Variants in FGR observed in about 807,000 individuals in gnomAD.
FGR encodes the protein tyrosine-protein kinase Fgr.
Under a neutral mutation model 63.2 loss-of-function variants are expected in FGR, and 26 were observed. The observed-to-expected ratio is 0.41, with a 90% CI of 0.30 to 0.57. The LOEUF is 0.57. Ranked by LOEUF, FGR falls within the 20% of genes least tolerant of loss-of-function variation. The pLI, the probability that FGR is intolerant of heterozygous loss-of-function variation, is 0.27. For synonymous variants in FGR, 286 were observed against 277.7 expected, an observed-to-expected ratio of 1.03 and a Z score of -0.30; for missense variants, 511 against 690.8, an observed-to-expected ratio of 0.74 and a Z score of 2.92.
chr1:27,625,812 G>A (rs1443112943), intron 1 of FGR, among the ~76,000 whole-genome samples: 11 of 152,114 alleles, frequency 7.2e-5, no homozygotes, highest in Non-Finnish European at 1.5e-4. Flanking sequence ...GGAGGTGGGC[G>A]CCTGTAGTCC....
chr1:27,612,494 A>T lies in FGR; in HGVS notation c.*420T>A, dbSNP rs191541855. Reference sequence around the variant, plus strand: ...TCCTGACTTTGTAACTTACAGACACAAGAGAATAGAGGGTAGAAGGGAAAT... The same window carrying T: ...TCCTGACTTTGTAACTTACAGACACTAGAGAATAGAGGGTAGAAGGGAAAT... On this transcript the variant is annotated 3_prime_UTR_variant, in exon 13 of 13. Coordinates refer to ENST00000374005, the MANE Select transcript of FGR (RefSeq NM_005248.3). 27 of 169,420 alleles carry T rather than the reference A, an allele frequency of 1.6e-4. No individual in the cohort carries two copies. Among genetic ancestry groups the T allele is most frequent in the Non-Finnish European group, 2.8e-4 (22 of 77,650 alleles). The allele number at this position is 169,420 out of a possible 1,614,324, so 10.5% of individuals were successfully genotyped here. A position where few individuals can be genotyped will look rare whatever the true frequency, so the allele number is the denominator to read the frequency against.
chr1:27,624,450 T>G (rs1475492529), intron 2 of FGR, among the ~76,000 whole-genome samples: 1 of 152,104 alleles, frequency 6.6e-6, no homozygotes, highest in East Asian at 1.9e-4. Flanking sequence ...ATTGCTCAGG[T>G]TGGGTCCTAT....
intron 1 of FGR, among the ~76,000 whole-genome samples, chr1:27,629,269 T>G (rs930579318): frequency 6.6e-6 from 1 of 152,124 alleles, no homozygotes; most frequent in South Asian, 2.1e-4. Flanking sequence ...ATTTCCATGG[T>G]GTAAATATTC....
At chr1:27,629,685 A>G (rs1213589982) in intron 1 of FGR, among the ~76,000 whole-genome samples, 1 of 152,188 alleles carries the variant, frequency 6.6e-6, no homozygotes, top group Non-Finnish European at 1.5e-5. Context: ...GGTGGCAGTA[A>G]AAATGAGCTA....
chr1:27,616,452 C>T lies in FGR; in HGVS notation c.682+405G>A, dbSNP rs570197471. Among the ~76,000 whole-genome samples the T allele has an allele frequency of 6.6e-6, 1 of 152,346 alleles. No homozygotes were observed. Among genetic ancestry groups the T allele is most frequent in the East Asian group, 1.9e-4 (1 of 5,180 alleles). ...TCTGCCTTGGCCCCTGGCATCCAAG[C>T]TCCACCAGCAGCCAGAGTTTCTCAC... On this transcript the variant is annotated intron_variant, in intron 7 of 12. Transcript: ENST00000374005. The surrounding 1 kb of genome is among the most constrained non-coding windows in gnomAD (Gnocchi z 4.3).
In FGR at chr1:27,613,216, A is replaced by G. The variant is rs1285899805; in HGVS notation, c.1381+3T>C. Reference sequence around the variant, plus strand: ...CCCCAGCCCTACCCCTGGCGAGGCAAACCTGGGTAGGGGATTCGGCCCTTG... The same window carrying G: ...CCCCAGCCCTACCCCTGGCGAGGCAGACCTGGGTAGGGGATTCGGCCCTTG... On this transcript the variant is annotated splice_donor_region_variant and intron_variant, in intron 12 of 12. Coordinates refer to ENST00000374005, the MANE Select transcript of FGR (RefSeq NM_005248.3). 3 of 1,612,780 alleles carry G rather than the reference A, an allele frequency of 1.9e-6. No individual in the cohort carries two copies. The highest frequency in any genetic ancestry group is 2.5e-6 in the Non-Finnish European group (3 of 1,179,006).
At chr1:27,621,294 C>T (rs2089920563) in intron 5 of FGR, among the ~76,000 whole-genome samples, 1 of 152,190 alleles carries the variant, frequency 6.6e-6, no homozygotes, top group Admixed American at 6.5e-5. Context: ...TCAACTTCCT[C>T]ATTTGTGAAA....
In FGR at chr1:27,615,050, G is replaced by A; in HGVS notation, c.1019-124C>T. 1.3e-6 allele frequency: 1 copy of A among 748,634 alleles called. No homozygotes were observed. Among genetic ancestry groups the A allele is most frequent in the Non-Finnish European group, 2.3e-6 (1 of 431,980 alleles). 46.4% of individuals were successfully genotyped at this position (748,634 alleles called of 1,614,324 possible). A position where few individuals can be genotyped will look rare whatever the true frequency, so the allele number is the denominator to read the frequency against. On this transcript the variant is annotated intron_variant, in intron 9 of 12. Transcript: ENST00000374005. The surrounding 1 kb of genome is among the most constrained non-coding windows in gnomAD (Gnocchi z 7.6). ...CCGCCCCTCACTTAGGACCCCGCGGGTGCCTCAACCCCTCACTTGTCTCGT... is the reference window on the plus strand; with the variant it reads ...CCGCCCCTCACTTAGGACCCCGCGGATGCCTCAACCCCTCACTTGTCTCGT...
rs1375778085 is a variant in FGR, at chr1:27,616,340, C to G, written c.683-496G>C. Among the ~76,000 whole-genome samples, 1 of 152,238 alleles carries G rather than the reference C, an allele frequency of 6.6e-6. No homozygotes were observed. Among genetic ancestry groups the G allele is most frequent in the East Asian group, 1.9e-4 (1 of 5,192 alleles). ...TACCCAGCTTCAGAATCGTCTGCTT[C>G]ATCTTTACTCCACTGCCACCGATTT... On this transcript the variant is annotated intron_variant, in intron 7 of 12. Coordinates refer to ENST00000374005, the MANE Select transcript of FGR (RefSeq NM_005248.3). The surrounding 1 kb of genome is among the most constrained non-coding windows in gnomAD (Gnocchi z 4.3).
chr1:27,629,210 A>G (rs915433575), intron 1 of FGR, among the ~76,000 whole-genome samples: 2 of 152,066 alleles, frequency 1.3e-5, no homozygotes, highest in African/African-American at 2.4e-5. Context: ...TGACTCTCAA[A>G]AAAAGAAAAG....
At chr1:27,631,087 C>T (rs1249214946) in intron 1 of FGR, among the ~76,000 whole-genome samples, 2 of 152,204 alleles carry the variant, frequency 1.3e-5, no homozygotes, top group Non-Finnish European at 2.9e-5. Context: ...TACCACTCCA[C>T]CTTCTCTTTT....
At chr1:27,623,566 T>G in intron 3 of FGR, 125 bp downstream of exon 3, 1 of 970,726 alleles carries the variant, frequency 1.0e-6, no homozygotes, top group East Asian at 2.6e-5. Context: ...CCATGTGATC[T>G]TGAAAGCGGG....
chr1:27,619,442 C>A (rs1016215178), intron 5 of FGR, among the ~76,000 whole-genome samples: 1 of 152,200 alleles, frequency 6.6e-6, no homozygotes, highest in Admixed American at 6.5e-5. Context: ...CCGCCCGCCT[C>A]GGCCTCCCAA....
chr1:27,617,225 G>A lies in FGR; in HGVS notation c.500C>T (p.Ala167Val). 1.2e-6 allele frequency: 2 copies of A among 1,614,150 alleles called. No homozygotes were observed. The highest frequency in any genetic ancestry group is 1.7e-6 in the Non-Finnish European group (2 of 1,179,996). The stretch of plus-strand genomic sequence containing the variant: ...GGTCTCGCTTTCCCGAATGAGAAAG[G>A]CCCCCTGGGGGTTGCCTGGTGAAAG... ...QLLSPGNPQG[A>V]FLIRESETTK... The change falls in exon 6 of 13, where the codon GCC becomes GTC. Residue 167 changes from alanine to valine, a missense_variant. Coordinates refer to ENST00000374005, the MANE Select transcript of FGR (RefSeq NM_005248.3). This position sits in a 1 kb window ranked among gnomAD's most constrained non-coding sequence, Gnocchi z 4.5.
intron 1 of FGR, among the ~76,000 whole-genome samples, chr1:27,631,193 C>A (rs150764847): frequency 1.3e-5 from 2 of 152,190 alleles, no homozygotes; most frequent in Non-Finnish European, 2.9e-5. Flanking sequence ...TTCCCTCCCC[C>A]ACTGCTGTGT....
intron 5 of FGR, among the ~76,000 whole-genome samples, chr1:27,619,965 A>C (rs1051071570): frequency 1.3e-5 from 2 of 152,040 alleles, no homozygotes; most frequent in African/African-American, 4.8e-5. Flanking sequence ...ATTTGTGAGG[A>C]TAGATTTTTA....
chr1:27,623,201 C>A, intron 3 of FGR, 57 bp from the exon 4 acceptor site: 1 of 1,313,884 alleles, frequency 7.6e-7, no homozygotes, highest in Non-Finnish European at 1.1e-6. Context: ...ACCAAGGGGG[C>A]TGCACCCCAA....
At chr1:27,631,860 C>T (rs1046937381) in intron 1 of FGR, among the ~76,000 whole-genome samples, 6 of 152,150 alleles carry the variant, frequency 3.9e-5, no homozygotes, top group African/African-American at 1.4e-4. Flanking sequence ...AAACCACCAT[C>T]CTGCAAGAGT....
intron 1 of FGR, among the ~76,000 whole-genome samples, chr1:27,627,458 AC>A (rs1265606437): frequency 4.6e-5 from 7 of 151,946 alleles, no homozygotes; most frequent in African/African-American, 1.7e-4. Context: ...ACACACACAC[AC>A]ACACACACAC....
Sources: allele counts gnomAD v4.1 joint callset (sites outside exome capture counted in the v4.1 genomes callset), GRCh38; gene constraint gnomAD v4.1.1; non-coding constraint Gnocchi (gnomAD v3.1); transcripts MANE v1.5; gene names NCBI Gene and HGNC (gene_info 2026-07-23, HGNC 2026-07-21).